PSMG1: variants seen among roughly 807,000 people sequenced by gnomAD.
PSMG1 encodes the protein Down syndrome critical region gene 2.
In PSMG1, 23 loss-of-function variants were observed where a neutral mutation model predicts 37.2. That is an observed-to-expected ratio of 0.62 (90% CI 0.44 to 0.88). The LOEUF (loss-of-function observed/expected upper bound fraction) is 0.88. Among genes scored for constraint, PSMG1 ranks in the 40% least tolerant of loss-of-function variants. The pLI, the probability that PSMG1 is intolerant of heterozygous loss-of-function variation, is 0.00. For synonymous variants in PSMG1, 127 were observed against 128.0 expected (o/e 0.99, Z 0.05); for missense variants, 340 against 344.2 (o/e 0.99, Z 0.10).
intron 6 of PSMG1, among the ~76,000 whole-genome samples, chr21:39,177,208 T>C (rs1285038392): frequency 2.6e-5 from 4 of 152,232 alleles, no homozygotes; most frequent in Non-Finnish European, 4.4e-5. Context: ...GGGATTTAAT[T>C]GCACTGCATT....
intron 2 of PSMG1, 74 bp downstream of exon 2, chr21:39,181,698 C>T: frequency 3.7e-6 from 4 of 1,079,390 alleles, no homozygotes; most frequent in Admixed American, 2.9e-5. Context: ...CATTTTAAAT[C>T]TTTTATGATG....
At chr21:39,175,698 C>T (rs2030602069) in intron 6 of PSMG1, 34 bp from the exon 7 acceptor site, 2 of 1,398,732 alleles carry the variant, frequency 1.4e-6, no homozygotes, top group Non-Finnish European at 2.0e-6. Context: ...TACAGTGAGA[C>T]CCCAGGGATT....
At chr21:39,179,443 C>A (rs1160846290) in intron 4 of PSMG1, among the ~76,000 whole-genome samples, 1 of 152,148 alleles carries the variant, frequency 6.6e-6, no homozygotes, top group African/African-American at 2.4e-5. Flanking sequence ...ACCACTGACA[C>A]CTTAAAAATA....
intron 1 of PSMG1, among the ~76,000 whole-genome samples, 191 bp from the exon 2 acceptor site, chr21:39,182,069 C>T (rs1352251796): frequency 6.6e-6 from 1 of 152,154 alleles, no homozygotes; most frequent in Non-Finnish European, 1.5e-5. Flanking sequence ...TACGTGTTTA[C>T]GGAGAACTCT....
At chr21:39,180,491 A>G (rs2030790615) in intron 2 of PSMG1, 55 bp from the exon 3 acceptor site, 3 of 1,476,852 alleles carry the variant, frequency 2.0e-6, no homozygotes, top group African/African-American at 1.4e-5. Context: ...TATATTTTCT[A>G]TTCAATAAAA....
At chr21:39,175,883 T>A (rs909224567) in intron 6 of PSMG1, among the ~76,000 whole-genome samples, 1 of 152,270 alleles carries the variant, frequency 6.6e-6, no homozygotes, top group South Asian at 2.1e-4. Flanking sequence ...TGGCCTCCGA[T>A]GGTCTCCTGG....
chr21:39,181,174 C>G (rs1157692769), intron 2 of PSMG1, among the ~76,000 whole-genome samples: 1 of 152,078 alleles, frequency 6.6e-6, no homozygotes, highest in Non-Finnish European at 1.5e-5. Context: ...CTTTGTTACC[C>G]AAGCTGGAGC....
upstream of PSMG1, chr21:39,183,489 G>C (rs2030960407): frequency 7.3e-7 from 1 of 1,367,494 alleles, no homozygotes; most frequent in East Asian, 2.9e-5. Context: ...GTCCCGCCCC[G>C]CACAGGCCAC....
In PSMG1 at chr21:39,183,246, C is replaced by A; in HGVS notation, c.134+6G>T. 2 of 1,578,178 alleles carry A rather than the reference C, an allele frequency of 1.3e-6. No individual in the cohort carries two copies. Among genetic ancestry groups the A allele is most frequent in the Non-Finnish European group, 1.7e-6 (2 of 1,165,912 alleles). ...TGAGCGCGCTGCCCTTATCCCGGTGCCTCACCTCTTCCGCGCCAGCTGCAG... is the reference window on the plus strand; with the variant it reads ...TGAGCGCGCTGCCCTTATCCCGGTGACTCACCTCTTCCGCGCCAGCTGCAG... On this transcript the variant is annotated splice_donor_region_variant and intron_variant, in intron 1 of 6. Transcript: ENST00000331573.
chr21:39,175,881 G>A (rs896085891), intron 6 of PSMG1, among the ~76,000 whole-genome samples: 3 of 152,008 alleles, frequency 2.0e-5, no homozygotes, highest in Non-Finnish European at 4.4e-5. Flanking sequence ...CCTGGCCTCC[G>A]ATGGTCTCCT....
chr21:39,178,875 A>G, intron 4 of PSMG1: 1 of 531,970 alleles, frequency 1.9e-6, no homozygotes. Flanking sequence ...TTAGTGAACT[A>G]AGGTGATATA....
At chr21:39,183,192 T>A in intron 1 of PSMG1, 60 bp downstream of exon 1, 1 of 1,469,940 alleles carries the variant, frequency 6.8e-7, no homozygotes, top group East Asian at 2.8e-5. Context: ...CCGTCGCGGC[T>A]GCCAGGCCCG....
chr21:39,180,047 C>T, intron 3 of PSMG1, 61 bp from the exon 4 acceptor site: 2 of 1,508,672 alleles, frequency 1.3e-6, no homozygotes, highest in Non-Finnish European at 1.8e-6. Context: ...CAAACTATCA[C>T]CATATATGTA....
Position 39,179,920 on chromosome 21 carries a change from TTACC to T in PSMG1, c.456_456+3del. The T allele has an allele frequency of 6.2e-7, 1 of 1,612,434 alleles. No individual in the cohort carries two copies. The highest frequency in any genetic ancestry group is 8.5e-7 in the Non-Finnish European group (1 of 1,179,796). Reference sequence around the variant, plus strand: ...CCATTCACAGGTTTTCATTTCTCTCTTACCTTTTCCAGCCACTGATACTGTTGAT... The same window carrying T: ...CCATTCACAGGTTTTCATTTCTCTCTTTTTCCAGCCACTGATACTGTTGAT... On this transcript the variant is annotated splice_donor_variant and splice_donor_region_variant and coding_sequence_variant and intron_variant, in exon 4 of 7. Coordinates refer to ENST00000331573, the MANE Select transcript of PSMG1 (RefSeq NM_003720.4). LOFTEE classifies it high-confidence loss of function.
chr21:39,176,421 C>T (rs992522862), intron 6 of PSMG1, among the ~76,000 whole-genome samples: 1 of 152,240 alleles, frequency 6.6e-6, no homozygotes, highest in Non-Finnish European at 1.5e-5. Flanking sequence ...GGGAACTCAT[C>T]TCTGAGTTAA....
In PSMG1 at chr21:39,177,498, G is replaced by A; in HGVS notation, c.729C>T (p.Asp243=). 1 of 1,608,032 alleles carries A rather than the reference G, an allele frequency of 6.2e-7. No individual in the cohort carries two copies. Among genetic ancestry groups the A allele is most frequent in the Non-Finnish European group, 8.5e-7 (1 of 1,176,946 alleles). ...GCTTAAAAGCTTCCACTGTGATTAGGTCTAATTTCATCACATCAGTATAAC... is the reference window on the plus strand; with the variant it reads ...GCTTAAAAGCTTCCACTGTGATTAGATCTAATTTCATCACATCAGTATAAC... ...YLCYTDVMKL[D]LITVEAFKPI... The change falls in exon 6 of 7, where the codon GAC becomes GAT. Residue 243 remains aspartate, a synonymous_variant. Coordinates refer to ENST00000331573, the MANE Select transcript of PSMG1 (RefSeq NM_003720.4).
chr21:39,178,046 T>C (rs946805228), intron 5 of PSMG1, among the ~76,000 whole-genome samples: 2 of 152,204 alleles, frequency 1.3e-5, no homozygotes, highest in Non-Finnish European at 2.9e-5. Flanking sequence ...TGTCATATGA[T>C]GGCAGATGTG....
In PSMG1 at chr21:39,180,352, G is replaced by A; in HGVS notation, c.326C>T (p.Thr109Ile). ...AKLWNEWCRT[T>I]DTTHLSSTEA... The stretch of plus-strand genomic sequence containing the variant: ...TGTGGAGGACAGATGTGTAGTGTCT[G>A]TTGTTCTACACCATTCATTCCAGAG... Residue 109 changes from threonine to isoleucine, a missense_variant, in exon 3 of 7, where the codon ACA becomes ATA. Thr to Ile is a moderately conservative substitution (Grantham distance 89). Transcript: ENST00000331573. The A allele has an allele frequency of 2.5e-6, 4 of 1,613,176 alleles. No individual in the cohort carries two copies. The highest frequency in any genetic ancestry group is 1.3e-5 in the African/African-American group (1 of 75,012).
In PSMG1 at chr21:39,177,546, T is replaced by A; in HGVS notation, c.681A>T (p.Lys227Asn). The change falls in exon 6 of 7, where the codon AAA becomes AAT. Residue 227 changes from lysine to asparagine, a missense_variant. Lys to Asn is a moderately conservative substitution (Grantham distance 94). Coordinates refer to ENST00000331573, the MANE Select transcript of PSMG1 (RefSeq NM_003720.4). Reference sequence around the variant, plus strand: ...AACACAAGTACAGAATTGCTGGGATTTTCCATACTTGACAGTAGCTTAGAA... The same window carrying A: ...AACACAAGTACAGAATTGCTGGGATATTCCATACTTGACAGTAGCTTAGAA... The part of the protein sequence containing the change: ...AAVLSYCQVW[K>N]IPAILYLCYT... 6.3e-7 allele frequency: 1 copy of A among 1,590,034 alleles called. No individual in the cohort carries two copies. Among genetic ancestry groups the A allele is most frequent in the Non-Finnish European group, 8.6e-7 (1 of 1,169,262 alleles).
Sources: allele counts gnomAD v4.1 joint callset (sites outside exome capture counted in the v4.1 genomes callset), GRCh38; gene constraint gnomAD v4.1.1; transcripts MANE v1.5; gene names NCBI Gene and HGNC (gene_info 2026-07-23, HGNC 2026-07-21).